Variants in PODN observed in about 807,000 individuals in gnomAD.
PODN encodes the protein podocan proteoglycan.
PODN carries 40 observed loss-of-function variants against 52.7 expected under a neutral mutation model. The ratio of observed to expected loss-of-function variants is 0.76; its 90% CI spans 0.59 to 0.99. The LOEUF (loss-of-function observed/expected upper bound fraction) is 0.99. Among genes scored for constraint, PODN ranks in the 50% least tolerant of loss-of-function variants. PODN has a pLI of 0.00. For synonymous variants in PODN, 396 were observed against 377.9 expected, an observed-to-expected ratio of 1.05 and a Z score of -0.56; for missense variants, 720 against 815.1, an observed-to-expected ratio of 0.88 and a Z score of 1.42.
intron 1 of PODN, among the ~76,000 whole-genome samples, chr1:53,068,422 C>A (rs925754296): frequency 1.3e-5 from 2 of 152,180 alleles, no homozygotes. Flanking sequence ...GAATGTCCCC[C>A]GTGCTGGAGG....
intron 3 of PODN, among the ~76,000 whole-genome samples, chr1:53,074,140 G>T (rs1644159023): frequency 6.6e-6 from 1 of 152,254 alleles, no homozygotes; most frequent in Non-Finnish European, 1.5e-5. Context: ...CCCGGTAGCA[G>T]CCGAGTCCTG....
intron 6 of PODN, 44 bp downstream of exon 6, chr1:53,077,390 C>A: frequency 1.2e-6 from 2 of 1,604,262 alleles, no homozygotes; most frequent in South Asian, 1.1e-5. Flanking sequence ...GACCCCACAG[C>A]CAGGGCACTG....
At chr1:53,068,904 T>C (rs2150293920) in intron 1 of PODN, among the ~76,000 whole-genome samples, 2 of 152,258 alleles carry the variant, frequency 1.3e-5, no homozygotes, top group Middle Eastern at 6.8e-3. Flanking sequence ...GGGAGTGGTC[T>C]CTGGCAGGTG....
chr1:53,068,882 G>A (rs758210157), intron 1 of PODN, among the ~76,000 whole-genome samples: 8 of 152,128 alleles, frequency 5.3e-5, no homozygotes, highest in Non-Finnish European at 8.8e-5. Context: ...TGCTGGACCC[G>A]GGGCCATGCC....
intron 2 of PODN, 98 bp downstream of exon 2, chr1:53,070,265 A>C (rs1644098609): frequency 6.5e-7 from 1 of 1,550,308 alleles, no homozygotes; most frequent in Non-Finnish European, 8.7e-7. Flanking sequence ...GTTCACCCAG[A>C]ACCTCCAATA....
chr1:53,077,851 C>G, intron 7 of PODN, 51 bp downstream of exon 7: 1 of 1,503,766 alleles, frequency 6.6e-7, no homozygotes, highest in Non-Finnish European at 9.2e-7. Flanking sequence ...GCCCGGGAAG[C>G]TCCTTCAGGG....
Position 53,077,164 on chromosome 1 carries a change from G to A in PODN, c.582-26G>A, listed in dbSNP as rs571572389. The A allele has an allele frequency of 9.9e-6, 16 of 1,610,388 alleles. No homozygotes were observed. The African/African-American group carries it at 1.1e-4, about 11-fold the overall frequency. On this transcript the variant is annotated intron_variant, in intron 5 of 10. Coordinates refer to ENST00000312553, the MANE Select transcript of PODN (RefSeq NM_153703.5). Reference sequence around the variant, plus strand: ...CGCAGGGCCTGGGGAGCCCAGGTGGGTGAGGACCTGTGCCTTGACCCCCAG... The same window carrying A: ...CGCAGGGCCTGGGGAGCCCAGGTGGATGAGGACCTGTGCCTTGACCCCCAG...
At position 53,084,073 on chromosome 1, in the gene PODN, G is replaced by GGAGGGGCTGGC. The variant is rs372439496; in HGVS notation, c.*28-439_*28-429dup. On this transcript the variant is annotated intron_variant, in intron 10 of 10. Coordinates refer to ENST00000312553, the MANE Select transcript of PODN (RefSeq NM_153703.5). ...CACAGAGTTGGGTATCCGCAAGTGTGGAGGGGCTGGCAAGAGGCTGAGCTT... is the reference window on the plus strand; with the variant it reads ...CACAGAGTTGGGTATCCGCAAGTGTGGAGGGGCTGGCGAGGGGCTGGCAAGAGGCTGAGCTT... Among the ~76,000 whole-genome samples, 27 of 152,264 alleles carry GGAGGGGCTGGC rather than the reference G, an allele frequency of 1.8e-4. 1 individual carries two copies. Among genetic ancestry groups the GGAGGGGCTGGC allele is most frequent in the African/African-American group, 6.3e-4 (26 of 41,556 alleles).
At position 53,082,189 on chromosome 1, in the gene PODN, G is replaced by A. The variant is rs1306685093; in HGVS notation, c.*27+1G>A. 2 of 1,561,862 alleles carry A rather than the reference G, an allele frequency of 1.3e-6. No individual in the cohort carries two copies. The highest frequency in any genetic ancestry group is 1.7e-6 in the Non-Finnish European group (2 of 1,155,192). ...ACAAGGTGATGCAGATGTGACCTAG[G>A]TATGTGGCCTGTATGGGGCAGCACT... On this transcript the variant is annotated splice_donor_variant, in intron 10 of 10. Coordinates refer to ENST00000312553, the MANE Select transcript of PODN (RefSeq NM_153703.5). LOFTEE classifies it low-confidence loss of function (3UTR_SPLICE).
chr1:53,066,426 CATT>C (rs1644033954), intron 1 of PODN, among the ~76,000 whole-genome samples: 1 of 152,170 alleles, frequency 6.6e-6, no homozygotes, highest in South Asian at 2.1e-4. Context: ...AGGTATCCTA[CATT>C]ATTTTTTTGT....
chr1:53,078,978 C>T lies in PODN; in HGVS notation c.1468C>T (p.Arg490Ter), dbSNP rs770083106. Residue 490 changes from arginine to a stop codon, truncating the protein, a stop_gained, in exon 8 of 11, where the codon CGA becomes TGA. Transcript: ENST00000312553. LOFTEE classifies it high-confidence loss of function. ...CCTCACCAGCAACCGACTGCGCAGC[C>T]GAGCCCTGGGCCCCCGTGCCTGGGT... Reference protein sequence around the residue: ...LYLTSNRLRSRALGPRAWVDL... With the variant: ...LYLTSNRLRS 20 of 1,572,674 alleles carry T rather than the reference C, an allele frequency of 1.3e-5. No individual in the cohort carries two copies. Among genetic ancestry groups the T allele is most frequent in the South Asian group, 3.5e-5 (3 of 86,840 alleles).
Position 53,077,632 on chromosome 1 carries a change from A to T in PODN, c.739-53A>T. ...CTCCACACCTCATCCCGAGGCCCTG[A>T]CCTTGCCCTCGGCCCTCCCTCACAA... On this transcript the variant is annotated intron_variant, in intron 6 of 10. Coordinates refer to ENST00000312553, the MANE Select transcript of PODN (RefSeq NM_153703.5). The T allele has an allele frequency of 2.6e-6, 4 of 1,515,200 alleles. No individual in the cohort carries two copies. The Middle Eastern group carries it at 5.2e-4, about 197-fold the overall frequency. 93.9% of individuals were successfully genotyped at this position (1,515,200 alleles called of 1,614,324 possible).
intron 5 of PODN, 133 bp downstream of exon 5, chr1:53,076,104 C>T: frequency 1.3e-6 from 1 of 748,742 alleles, no homozygotes; most frequent in Middle Eastern, 3.0e-4. Flanking sequence ...GAGGGACACC[C>T]AGGGGCCCTA....
rs941216689 is a variant in PODN at position 53,079,122 on chromosome 1, G to A, written c.1512+100G>A. ...TGAAGGGTGAGGAGAAGGGCTGGGTGGTGAGGGAGGTTCCTCTGGTATGGC... is the reference window on the plus strand; with the variant it reads ...TGAAGGGTGAGGAGAAGGGCTGGGTAGTGAGGGAGGTTCCTCTGGTATGGC... On this transcript the variant is annotated intron_variant, in intron 8 of 10. Coordinates refer to ENST00000312553, the MANE Select transcript of PODN (RefSeq NM_153703.5). 38 of 1,365,924 alleles carry A rather than the reference G, an allele frequency of 2.8e-5. No homozygotes were observed. In the African/African-American group the frequency reaches 5.1e-4, roughly 18 times the overall value. The allele number at this position is 1,365,924 out of a possible 1,614,324, so 84.6% of individuals were successfully genotyped here.
At chr1:53,071,223 C>A (rs1644111657) in intron 2 of PODN, 1 of 222,936 alleles carries the variant, frequency 4.5e-6, no homozygotes, top group Admixed American at 5.6e-5. Flanking sequence ...TTGCCTGTCA[C>A]GAGGTGGGAA....
intron 3 of PODN, among the ~76,000 whole-genome samples, chr1:53,072,744 C>T (rs929369015): frequency 6.6e-6 from 1 of 152,182 alleles, no homozygotes; most frequent in Non-Finnish European, 1.5e-5. Context: ...CACCATCAAG[C>T]GCATTCAGGT....
chr1:53,082,534 C>T (rs894200577), intron 10 of PODN, among the ~76,000 whole-genome samples: 1 of 152,042 alleles, frequency 6.6e-6, no homozygotes, highest in African/African-American at 2.4e-5. Context: ...CTGCAGGGGG[C>T]TGGGGAAGCT....
Position 53,082,053 on chromosome 1 carries a change from C to T in PODN, c.1734C>T (p.Asp578=). ...GGCTGAAGCACCTGCAGGTCTTGGA[C>T]ATTGAAGGCAACTTAGAGTTTGGTG... ...FRRLKHLQVL[D]IEGNLEFGDI... The change falls in exon 10 of 11, where the codon GAC becomes GAT. Residue 578 remains aspartate, a synonymous_variant. Coordinates refer to ENST00000312553, the MANE Select transcript of PODN (RefSeq NM_153703.5). 1.9e-6 allele frequency: 3 copies of T among 1,613,748 alleles called. No homozygotes were observed. Among genetic ancestry groups the T allele is most frequent in the Non-Finnish European group, 2.5e-6 (3 of 1,179,898 alleles).
intron 1 of PODN, among the ~76,000 whole-genome samples, chr1:53,062,574 C>A (rs7545063): frequency 1.3e-5 from 2 of 152,186 alleles, no homozygotes; most frequent in Non-Finnish European, 2.9e-5. Flanking sequence ...CCTCCCGCTG[C>A]GCACATCTGG....
Sources: gnomAD v4.1 joint callset for allele counts (sites outside exome capture counted in the v4.1 genomes callset) on GRCh38, gnomAD v4.1.1 for gene constraint, MANE v1.5 for transcripts, NCBI Gene and HGNC (gene_info 2026-07-23, HGNC 2026-07-21) for gene names.